Variants in TRPM8 observed in about 807,000 individuals in gnomAD.
TRPM8 encodes the protein transient receptor potential cation channel subfamily M member 8, also known as TRPM8 cationic channel.
TRPM8 carries 110 observed loss-of-function variants against 133.7 expected under a neutral mutation model. The observed-to-expected ratio is 0.82, with a 90% confidence interval of 0.70 to 0.96. TRPM8 has a LOEUF of 0.96. TRPM8 is among the 40% of genes least tolerant of loss of function. The pLI is 0.00. For synonymous variants in TRPM8, 535 were observed against 532.3 expected (o/e 1.01, Z -0.07); for missense variants, 1,291 against 1,379.5 (o/e 0.94, Z 1.02).
chr2:233,947,032 G>A lies in TRPM8; in HGVS notation c.875-56G>A, dbSNP rs750062975. The stretch of plus-strand genomic sequence containing the variant: ...AGCTCTTGGTCCAACTTTTCACAGA[G>A]GTAGGTGAGTATTTCTAATGAGCTC... On this transcript the variant is annotated intron_variant, in intron 7 of 25. Coordinates refer to ENST00000324695, the MANE Select transcript of TRPM8 (RefSeq NM_024080.5). 108 of 1,534,270 alleles carry A rather than the reference G, an allele frequency of 7.0e-5. 1 individual carries two copies. Among genetic ancestry groups the A allele is most frequent in the Non-Finnish European group, 9.0e-5 (100 of 1,113,176 alleles).
chr2:233,951,381 A>G lies in TRPM8; in HGVS notation c.1140+1235A>G, dbSNP rs146491926. Among the ~76,000 whole-genome samples, 105 of 152,300 alleles carry G rather than the reference A, an allele frequency of 6.9e-4. 1 individual carries two copies. Among genetic ancestry groups the G allele is most frequent in the African/African-American group, 2.4e-3 (98 of 41,582 alleles). ...GATGGATGGAATAAATTCAGTGGTC[A>G]GTTCAGGGATCCCCATAGAGGAAGA... On this transcript the variant is annotated intron_variant, in intron 9 of 25. Coordinates refer to ENST00000324695, the MANE Select transcript of TRPM8 (RefSeq NM_024080.5).
At chr2:234,011,944 T>C (rs1293773702) in intron 24 of TRPM8, among the ~76,000 whole-genome samples, 2 of 151,078 alleles carry the variant, frequency 1.3e-5, no homozygotes, top group African/African-American at 4.9e-5. Context: ...AAGATTTCCT[T>C]TATCAATGTT....
chr2:233,923,564 C>T (rs907936340), intron 1 of TRPM8, among the ~76,000 whole-genome samples: 3 of 152,162 alleles, frequency 2.0e-5, no homozygotes, highest in East Asian at 1.9e-4. Context: ...CTCCATGGGC[C>T]GGCATCCACT....
chr2:233,927,786 C>T (rs148558267), intron 2 of TRPM8, among the ~76,000 whole-genome samples: 2 of 33,824 alleles, frequency 5.9e-5, no homozygotes, highest in African/African-American at 4.5e-4. Flanking sequence ...TTCTTTCTTT[C>T]TTTCTTTTCT....
At chr2:233,988,652 A>G (rs1692205744) in intron 21 of TRPM8, among the ~76,000 whole-genome samples, 1 of 152,212 alleles carries the variant, frequency 6.6e-6, no homozygotes, top group Non-Finnish European at 1.5e-5. Flanking sequence ...TGCCTGGGCC[A>G]TGAAGATTAT....
intron 22 of TRPM8, among the ~76,000 whole-genome samples, chr2:234,001,468 ATTG>A (rs928144961): frequency 7.0e-5 from 2 of 28,722 alleles, no homozygotes; most frequent in Admixed American, 7.6e-4. Flanking sequence ...AAGGAACATC[ATTG>A]AGTTCTGATA....
Position 234,019,327 on chromosome 2 carries a change from T to C in TRPM8, c.*2071T>C, listed in dbSNP as rs534875414. On this transcript the variant is annotated 3_prime_UTR_variant, in exon 26 of 26. Coordinates refer to ENST00000324695, the MANE Select transcript of TRPM8 (RefSeq NM_024080.5). ...TCATCTGGTGGATGTTTTTGCAGGT[T>C]ACTCTGAGAATTTTGCTTATGAAAA... 9 of 152,346 alleles carry C rather than the reference T, an allele frequency of 5.9e-5. No homozygotes were observed. In the East Asian group the frequency reaches 1.7e-3, roughly 29 times the overall value. 9.4% of individuals were successfully genotyped at this position (152,346 alleles called of 1,614,324 possible).
At chr2:233,958,800 T>G (rs922345290) in intron 11 of TRPM8, among the ~76,000 whole-genome samples, 2 of 152,070 alleles carry the variant, frequency 1.3e-5, no homozygotes, top group Non-Finnish European at 2.9e-5. Flanking sequence ...AGACCAACAT[T>G]AGGCAGGAAC....
rs1201402176 is a variant in TRPM8, at chr2:233,921,816, G to A, written c.-6+4384G>A. Among the ~76,000 whole-genome samples, 6 of 151,416 alleles carry A rather than the reference G, an allele frequency of 4.0e-5. No homozygotes were observed. The East Asian group carries it at 1.2e-3, about 29-fold the overall frequency. The stretch of plus-strand genomic sequence containing the variant: ...CTCCCAAGTACCTGGGATTACAGGT[G>A]CCCGCCACCACACCCAGCTAATATT... On this transcript the variant is annotated intron_variant, in intron 1 of 25. Transcript: ENST00000324695.
rs1692232321 is a variant in TRPM8 at position 233,989,895 on chromosome 2, C to T, written c.2939+4030C>T. On this transcript the variant is annotated intron_variant, in intron 21 of 25. Transcript: ENST00000324695. This position sits in a 1 kb window ranked among gnomAD's most constrained non-coding sequence, Gnocchi z 4.2. ...TACCAGGAGCTAGGGCATTTATAAGCATTGTGCCCTGAAGATAAGTTCACC... is the reference window on the plus strand; with the variant it reads ...TACCAGGAGCTAGGGCATTTATAAGTATTGTGCCCTGAAGATAAGTTCACC... Among the ~76,000 whole-genome samples, 1 of 152,188 alleles carries T rather than the reference C, an allele frequency of 6.6e-6. No individual in the cohort carries two copies. The highest frequency in any genetic ancestry group is 6.5e-5 in the Admixed American group (1 of 15,288).
intron 2 of TRPM8, chr2:233,929,642 C>T (rs1691643278): frequency 6.6e-6 from 1 of 152,250 alleles, no homozygotes; most frequent in Non-Finnish European, 1.5e-5. Flanking sequence ...AAAGGCAGCC[C>T]TCTGAGGCTG....
At chr2:233,965,026 C>G (rs10490015) in intron 14 of TRPM8, among the ~76,000 whole-genome samples, 8,065 of 145,862 alleles carry the variant, frequency 0.055, 627 homozygotes, top group East Asian at 0.23. Context: ...CTAAGCAACT[C>G]AGGGAGCACT....
At chr2:233,940,190 C>A (rs572439577) in intron 5 of TRPM8, among the ~76,000 whole-genome samples, 2 of 151,702 alleles carry the variant, frequency 1.3e-5, no homozygotes, top group East Asian at 3.9e-4. Flanking sequence ...TGATTAGATT[C>A]AGTTTGTCTA....
At chr2:234,006,999 A>C in intron 23 of TRPM8, 47 bp downstream of exon 23, 1 of 1,444,874 alleles carries the variant, frequency 6.9e-7, no homozygotes. Context: ...CTCTGTAGAC[A>C]TAAGCCCATA....
At chr2:233,997,967 C>T (rs2125357917) in intron 22 of TRPM8, among the ~76,000 whole-genome samples, 1 of 152,302 alleles carries the variant, frequency 6.6e-6, no homozygotes, top group Non-Finnish European at 1.5e-5. Context: ...TCTCCCAGAG[C>T]CACTAAGCCA....
chr2:233,986,220 TG>T (rs1264777707), intron 21 of TRPM8, among the ~76,000 whole-genome samples: 3 of 152,210 alleles, frequency 2.0e-5, no homozygotes, highest in Non-Finnish European at 2.9e-5. Flanking sequence ...GTGCCTTATA[TG>T]TTATGGGGCT....
At chr2:233,925,531 C>G (rs7604471) in intron 1 of TRPM8, among the ~76,000 whole-genome samples, 2 of 151,904 alleles carry the variant, frequency 1.3e-5, no homozygotes, top group African/African-American at 4.8e-5. Flanking sequence ...GGGACCCCAG[C>G]TAGGAAAGCC....
chr2:234,016,026 T>C (rs1036605035), intron 25 of TRPM8, among the ~76,000 whole-genome samples: 6 of 152,200 alleles, frequency 3.9e-5, no homozygotes, highest in African/African-American at 1.2e-4. Context: ...AAATATCCAG[T>C]CTTCTCATCT....
At chr2:233,961,168 T>C in intron 12 of TRPM8, 102 bp downstream of exon 12, 1 of 1,156,766 alleles carries the variant, frequency 8.6e-7, no homozygotes, top group Non-Finnish European at 1.2e-6. Flanking sequence ...TGCCATAAAA[T>C]ACTTAACACA....
Sources: allele counts gnomAD v4.1 joint callset (sites outside exome capture counted in the v4.1 genomes callset), GRCh38; gene constraint gnomAD v4.1.1; non-coding constraint Gnocchi (gnomAD v3.1); transcripts MANE v1.5; gene names NCBI Gene and HGNC (gene_info 2026-07-23, HGNC 2026-07-21).